The following DSCAM variants were observed in gnomAD, a reference collection of about 807,000 sequenced individuals.
DSCAM encodes DS cell adhesion molecule, also known as cell adhesion molecule DSCAM.
Under a neutral mutation model 217.7 loss-of-function variants are expected in DSCAM, and 47 were observed. The ratio of observed to expected loss-of-function variants is 0.22; its 90% confidence interval spans 0.17 to 0.28. The LOEUF (loss-of-function observed/expected upper bound fraction) is 0.28. DSCAM is among the 10% of genes least tolerant of loss of function. The pLI is 1.00. For missense variants in DSCAM, 2,080 were observed against 2,618.3 expected, an observed-to-expected ratio of 0.79 and a Z score of 4.49; for synonymous variants, 1,056 against 1,015.3, an observed-to-expected ratio of 1.04 and a Z score of -0.76.
chr21:40,674,704 C>T (rs555476732), intron 3 of DSCAM, among the ~76,000 whole-genome samples: 2 of 142,832 alleles, frequency 1.4e-5, no homozygotes, highest in South Asian at 4.4e-4. Context: ...GCGATCTCGG[C>T]TCACTGCAAG....
rs1184429416 is a variant in DSCAM at position 40,551,316 on chromosome 21, T to A, written c.508+141494A>T. Reference sequence around the variant, plus strand: ...ACAGGTTATAGGTGGATTCAAAGAGTTTCTGATTGACAATTGGTTGGAATT... The same window carrying A: ...ACAGGTTATAGGTGGATTCAAAGAGATTCTGATTGACAATTGGTTGGAATT... On this transcript the variant is annotated intron_variant, in intron 3 of 32. Coordinates refer to ENST00000400454, the MANE Select transcript of DSCAM (RefSeq NM_001389.5). Among the ~76,000 whole-genome samples, 3 of 152,098 alleles carry A rather than the reference T, an allele frequency of 2.0e-5. No homozygotes were observed. The South Asian group carries it at 6.2e-4, about 32-fold the overall frequency.
At chr21:40,475,654 G>T (rs2075927789) in intron 3 of DSCAM, among the ~76,000 whole-genome samples, 1 of 152,174 alleles carries the variant, frequency 6.6e-6, no homozygotes, top group South Asian at 2.1e-4. Context: ...AACATGGTGA[G>T]ACCCCATCTC....
At chr21:40,553,079 T>C (rs369221238) in intron 3 of DSCAM, among the ~76,000 whole-genome samples, 31 of 152,354 alleles carry the variant, frequency 2.0e-4, no homozygotes, top group African/African-American at 7.5e-4. Flanking sequence ...TTGTAAGATA[T>C]TAATAACAAA....
At chr21:40,498,630 G>A (rs867344966) in intron 3 of DSCAM, among the ~76,000 whole-genome samples, 7 of 99,708 alleles carry the variant, frequency 7.0e-5, no homozygotes, top group South Asian at 3.8e-4. Flanking sequence ...TATGCACTAT[G>A]TATATATATA....
chr21:40,458,200 A>G (rs2075778733), intron 3 of DSCAM, among the ~76,000 whole-genome samples: 1 of 152,212 alleles, frequency 6.6e-6, no homozygotes, highest in Admixed American at 6.5e-5. Flanking sequence ...CTAAGGACAG[A>G]TAATTGACCT....
intron 26 of DSCAM, among the ~76,000 whole-genome samples, chr21:40,077,011 T>C (rs1012666537): frequency 6.6e-6 from 1 of 152,230 alleles, no homozygotes; most frequent in Non-Finnish European, 1.5e-5. Flanking sequence ...GAAGTGCTCC[T>C]CTGCCTCTGG....
chr21:40,023,141 C>A (rs62235575), intron 32 of DSCAM, among the ~76,000 whole-genome samples: 1 of 150,674 alleles, frequency 6.6e-6, no homozygotes, highest in Admixed American at 6.6e-5. Context: ...TTTGTTCTTG[C>A]GATAGTTTAC....
rs2089521341 is a variant in DSCAM at position 40,085,584 on chromosome 21, A to G, written c.4132+18T>C. 1.3e-6 allele frequency: 2 copies of G among 1,481,574 alleles called. No individual in the cohort carries two copies. The highest frequency in any genetic ancestry group is 1.8e-6 in the Non-Finnish European group (2 of 1,100,530). The allele number at this position is 1,481,574 out of a possible 1,614,324, so 91.8% of individuals were successfully genotyped here. On this transcript the variant is annotated intron_variant, in intron 23 of 32. Transcript: ENST00000400454. ...ACATGTAAAAGATATCATTAAAAAG[A>G]GTCCTCAAATGTTGTACCTTGTACT... is the stretch of plus-strand genomic sequence containing the variant.
At chr21:40,417,137 T>C (rs1321482005) in intron 3 of DSCAM, among the ~76,000 whole-genome samples, 2 of 152,340 alleles carry the variant, frequency 1.3e-5, no homozygotes, top group East Asian at 3.9e-4. Context: ...TTTCCTTTAA[T>C]AGCATTGTAA....
intron 1 of DSCAM, among the ~76,000 whole-genome samples, chr21:40,783,124 AT>A (rs1208680598): frequency 6.6e-6 from 1 of 152,274 alleles, no homozygotes; most frequent in Non-Finnish European, 1.5e-5. Context: ...AAAAGTGGAC[AT>A]TGGATAACAC....
At chr21:40,472,329 C>T (rs933390374) in intron 3 of DSCAM, among the ~76,000 whole-genome samples, 2 of 152,190 alleles carry the variant, frequency 1.3e-5, no homozygotes, top group African/African-American at 4.8e-5. Flanking sequence ...GATGGGTGTA[C>T]ATTACCTTCA....
At chr21:40,050,232 G>A (rs1451507637) in intron 30 of DSCAM, among the ~76,000 whole-genome samples, 1 of 152,218 alleles carries the variant, frequency 6.6e-6, no homozygotes, top group East Asian at 1.9e-4. Flanking sequence ...TGTAAAGGTG[G>A]AGAACGAGAC....
chr21:40,232,599 C>T (rs1386460121), intron 11 of DSCAM, among the ~76,000 whole-genome samples: 2 of 152,186 alleles, frequency 1.3e-5, no homozygotes, highest in Admixed American at 6.5e-5. Flanking sequence ...TAAGTGTCTT[C>T]TACCTCCAGA....
chr21:40,216,197 T>A (rs1247862940), intron 11 of DSCAM, among the ~76,000 whole-genome samples: 1 of 152,088 alleles, frequency 6.6e-6, no homozygotes, highest in East Asian at 1.9e-4. Flanking sequence ...ACTCCTGGGC[T>A]CAAGTGATCC....
chr21:40,430,759 G>A (rs1356044465), intron 3 of DSCAM, among the ~76,000 whole-genome samples: 4 of 152,168 alleles, frequency 2.6e-5, no homozygotes, highest in African/African-American at 4.8e-5. Context: ...CTTTACTGCC[G>A]GCTTCGCCTC....
chr21:40,377,791 C>T lies in DSCAM; in HGVS notation c.509-8546G>A, dbSNP rs193031404. Among the ~76,000 whole-genome samples, 314 of 152,154 alleles carry T rather than the reference C, an allele frequency of 2.1e-3. 2 individuals carry two copies. Among genetic ancestry groups the T allele is most frequent in the East Asian group, 8.6e-3 (44 of 5,122 alleles). ...GCATGGAGGACACAAGCCAGTGTGG[C>T]GCTAAGAAAGCCAGGGGAGGAGAGG... On this transcript the variant is annotated intron_variant, in intron 3 of 32. Coordinates refer to ENST00000400454, the MANE Select transcript of DSCAM (RefSeq NM_001389.5).
At chr21:40,766,224 T>A (rs193215764) in intron 1 of DSCAM, among the ~76,000 whole-genome samples, 187 of 152,286 alleles carry the variant, frequency 1.2e-3, no homozygotes, top group Non-Finnish European at 1.6e-3. Flanking sequence ...TTAAAAATCA[T>A]GAACTGTTAG....
chr21:40,569,927 G>T (rs1289218696), intron 3 of DSCAM, among the ~76,000 whole-genome samples: 1 of 152,084 alleles, frequency 6.6e-6, no homozygotes, highest in Non-Finnish European at 1.5e-5. Context: ...AAAATTTGTG[G>T]TATGAACGTA....
At chr21:40,802,202 A>T (rs372711313) in intron 1 of DSCAM, among the ~76,000 whole-genome samples, 80 of 152,286 alleles carry the variant, frequency 5.3e-4, no homozygotes, top group African/African-American at 1.9e-3. Flanking sequence ...GTCAAAGGAG[A>T]TTACTCTCAA....
Sources: gnomAD v4.1 joint callset for allele counts (sites outside exome capture counted in the v4.1 genomes callset) on GRCh38, gnomAD v4.1.1 for gene constraint, MANE v1.5 for transcripts, NCBI Gene and HGNC (gene_info 2026-07-23, HGNC 2026-07-21) for gene names.